GABRA3: variants seen among roughly 807,000 people sequenced by gnomAD.
GABRA3 encodes the protein gamma-aminobutyric acid receptor subunit alpha-3.
Under a neutral mutation model 30.1 loss-of-function variants are expected in GABRA3, and 10 were observed. That is an observed-to-expected ratio of 0.33 (90% CI 0.20 to 0.56). The LOEUF (loss-of-function observed/expected upper bound fraction) is 0.56, where lower values mean the gene tolerates loss of function less well. Ranked by LOEUF, GABRA3 falls within the 20% of genes least tolerant of loss-of-function variation. The probability of loss-of-function intolerance (pLI) is 0.89; values close to 1 mark genes in which losing one functional copy is unlikely to be tolerated. For synonymous variants in GABRA3, 151 were observed against 146.8 expected, an observed-to-expected ratio of 1.03 and a Z score of -0.21; for missense variants, 233 against 392.0, an observed-to-expected ratio of 0.59 and a Z score of 3.42.
At chrX:152,192,646 G>A (rs6627543) in intron 8 of GABRA3, among the ~76,000 whole-genome samples, 2 of 111,326 alleles carry the variant, frequency 1.8e-5, no homozygotes, top group Non-Finnish European at 3.8e-5. Flanking sequence ...TCAGACCACA[G>A]CATTCAAAAT....
intron 1 of GABRA3, among the ~76,000 whole-genome samples, chrX:152,444,263 G>A (rs1026226113): frequency 9.0e-5 from 10 of 111,523 alleles, no homozygotes; most frequent in Non-Finnish European, 1.5e-4. Flanking sequence ...GGACACTGAA[G>A]ATAGAAGTGT....
At chrX:152,297,294 T>G (rs1362199697) in intron 3 of GABRA3, among the ~76,000 whole-genome samples, 1 of 111,967 alleles carries the variant, frequency 8.9e-6, no homozygotes, top group Non-Finnish European at 1.9e-5. Context: ...TAGACACCAT[T>G]CAGAGGATTC....
intron 9 of GABRA3, among the ~76,000 whole-genome samples, chrX:152,176,801 G>A (rs1412131824): frequency 2.7e-5 from 3 of 111,501 alleles, no homozygotes; most frequent in African/African-American, 9.8e-5. Context: ...GAAGTTGTTC[G>A]CCTCTAGATG....
At chrX:152,320,092 G>C (rs1248430043) in intron 3 of GABRA3, among the ~76,000 whole-genome samples, 2 of 111,462 alleles carry the variant, frequency 1.8e-5, no homozygotes, top group Non-Finnish European at 3.8e-5. Context: ...CATAGATGCA[G>C]TGAAAAGGGC....
intron 4 of GABRA3, among the ~76,000 whole-genome samples, chrX:152,265,834 T>C (rs769570905): frequency 9.0e-6 from 1 of 111,062 alleles, no homozygotes; most frequent in East Asian, 2.8e-4. Context: ...ATTCAAAGGA[T>C]CATTATTGGC....
At chrX:152,342,057 G>A (rs890528251) in intron 3 of GABRA3, among the ~76,000 whole-genome samples, 8 of 111,135 alleles carry the variant, frequency 7.2e-5, no homozygotes, top group Non-Finnish European at 1.3e-4. Flanking sequence ...ATTTTTAGTA[G>A]AGACGGGGCT....
intron 2 of GABRA3, among the ~76,000 whole-genome samples, chrX:152,352,603 A>G (rs910515385): frequency 3.6e-5 from 4 of 111,684 alleles, no homozygotes; most frequent in Non-Finnish European, 7.5e-5. Flanking sequence ...TTCATACAAC[A>G]TCCCAAAGAG....
intron 4 of GABRA3, among the ~76,000 whole-genome samples, chrX:152,269,443 C>T (rs1028597317): frequency 3.4e-4 from 38 of 111,577 alleles, no homozygotes; most frequent in African/African-American, 1.2e-3. Flanking sequence ...GCAATCCCTA[C>T]CAAAAATACC....
intron 6 of GABRA3, among the ~76,000 whole-genome samples, chrX:152,221,328 C>G (rs1165211932): frequency 1.8e-5 from 2 of 111,371 alleles, no homozygotes; most frequent in Non-Finnish European, 3.8e-5. Context: ...ATCTCTCTCT[C>G]TGTCTCTCTC....
chrX:152,370,867 C>T (rs1403561889), intron 1 of GABRA3, among the ~76,000 whole-genome samples: 2 of 111,262 alleles, frequency 1.8e-5, no homozygotes, highest in Non-Finnish European at 3.8e-5. Context: ...TTCCACCCCA[C>T]TCCACGGATT....
intron 3 of GABRA3, among the ~76,000 whole-genome samples, chrX:152,340,990 T>C (rs1290952330): frequency 9.0e-6 from 1 of 111,460 alleles, no homozygotes; most frequent in Non-Finnish European, 1.9e-5. Flanking sequence ...GTGTACGTTG[T>C]ACCCAATATG....
At chrX:152,444,098 C>T (rs1207854605) in intron 1 of GABRA3, among the ~76,000 whole-genome samples, 5 of 110,187 alleles carry the variant, frequency 4.5e-5, no homozygotes, top group Admixed American at 9.7e-5. Flanking sequence ...TTCTGTAATG[C>T]GGTTGTTTTA....
At chrX:152,196,159 C>T (rs1275138741) in intron 8 of GABRA3, among the ~76,000 whole-genome samples, 11 of 105,279 alleles carry the variant, frequency 1.0e-4, no homozygotes, top group South Asian at 4.3e-4. Context: ...CTGAGATGGG[C>T]GGATCATCTA....
At chrX:152,296,439 G>C (rs1198856741) in intron 3 of GABRA3, among the ~76,000 whole-genome samples, 2 of 111,703 alleles carry the variant, frequency 1.8e-5, no homozygotes, top group Non-Finnish European at 3.8e-5. Flanking sequence ...ATTAATCATA[G>C]ATAAACACTC....
At chrX:152,354,229 A>C (rs1474034102) in intron 2 of GABRA3, among the ~76,000 whole-genome samples, 1 of 111,274 alleles carries the variant, frequency 9.0e-6, no homozygotes, top group Admixed American at 9.6e-5. Context: ...TTCAATCCTA[A>C]CTCTTCTATT....
At chrX:152,275,718 A>C (rs981266098) in intron 4 of GABRA3, among the ~76,000 whole-genome samples, 3 of 108,625 alleles carry the variant, frequency 2.8e-5, no homozygotes, top group African/African-American at 1.0e-4. Context: ...GAGATCGTGC[A>C]ACTGCACTCC....
intron 1 of GABRA3, among the ~76,000 whole-genome samples, chrX:152,418,912 C>T (rs1406140107): frequency 9.0e-6 from 1 of 111,490 alleles, no homozygotes; most frequent in Admixed American, 9.6e-5. Context: ...CAATGATAGA[C>T]TGGATTAAGA....
intron 1 of GABRA3, among the ~76,000 whole-genome samples, chrX:152,403,194 T>A (rs1377695339): frequency 9.0e-6 from 1 of 110,881 alleles, no homozygotes; most frequent in Non-Finnish European, 1.9e-5. Context: ...GAAAAAAGAA[T>A]GAATAAATAT....
chrX:152,219,836 A>ATATGCTATAGGCATAG (rs1556765430), intron 6 of GABRA3, among the ~76,000 whole-genome samples: 2 of 110,885 alleles, frequency 1.8e-5, no homozygotes, highest in African/African-American at 6.6e-5. Flanking sequence ...ATAAAGCACT[A>ATATGCTATAGGCATAG]TATACTATAC....
Sources: gnomAD v4.1 joint callset for allele counts (sites outside exome capture counted in the v4.1 genomes callset) on GRCh38, gnomAD v4.1.1 for gene constraint, MANE v1.5 for transcripts, NCBI Gene and HGNC (gene_info 2026-07-23, HGNC 2026-07-21) for gene names.